Variants in CSMD1 observed in about 807,000 individuals in gnomAD.
CSMD1 encodes the protein CUB and sushi domain-containing protein 1.
Under a neutral mutation model 417.5 loss-of-function variants are expected in CSMD1, and 213 were observed. The ratio of observed to expected loss-of-function variants is 0.51; its 90% CI spans 0.46 to 0.57. The LOEUF is 0.57. Among genes scored for constraint, CSMD1 ranks in the 20% least tolerant of loss-of-function variants. The probability of loss-of-function intolerance (pLI) is 0.00; values close to 1 mark genes in which losing one functional copy is unlikely to be tolerated. For missense variants in CSMD1, 6,923 were observed against 4,529.7 expected (o/e 1.53, Z -15.17); for synonymous variants, 2,862 against 1,736.8 (o/e 1.65, Z -16.11).
intron 4 of CSMD1, among the ~76,000 whole-genome samples, chr8:4,025,502 G>T (rs188671364): frequency 6.6e-6 from 1 of 152,152 alleles, no homozygotes; most frequent in South Asian, 2.1e-4. Context: ...AGAGGCAAAA[G>T]CATTTTTCAT....
intron 59 of CSMD1, among the ~76,000 whole-genome samples, chr8:2,964,322 T>C (rs1036573938): frequency 6.6e-6 from 1 of 152,224 alleles, no homozygotes; most frequent in Non-Finnish European, 1.5e-5. Flanking sequence ...CACCTTCTAC[T>C]GATCTGTTCA....
At chr8:3,056,809 GT>G (rs1190436509) in intron 49 of CSMD1, among the ~76,000 whole-genome samples, 2 of 151,770 alleles carry the variant, frequency 1.3e-5, no homozygotes, top group African/African-American at 4.8e-5. Flanking sequence ...TATTTCCAAA[GT>G]ATTTAAGAAT....
At chr8:4,523,428 G>T (rs746760768) in intron 2 of CSMD1, among the ~76,000 whole-genome samples, 14 of 152,032 alleles carry the variant, frequency 9.2e-5, no homozygotes, top group Non-Finnish European at 1.9e-4. Flanking sequence ...AAGTACACTG[G>T]TTCAGAAGGT....
At chr8:4,323,449 C>T (rs1267824127) in intron 3 of CSMD1, among the ~76,000 whole-genome samples, 2 of 151,628 alleles carry the variant, frequency 1.3e-5, no homozygotes, top group African/African-American at 4.9e-5. Flanking sequence ...TTCAAAGTAA[C>T]CATTCACAAC....
At chr8:4,327,385 C>A (rs1184178177) in intron 3 of CSMD1, among the ~76,000 whole-genome samples, 22 of 152,148 alleles carry the variant, frequency 1.4e-4, no homozygotes. Flanking sequence ...TGGGGAGACT[C>A]TGCTAATGTA....
chr8:3,687,972 T>C (rs1800032814), intron 7 of CSMD1, among the ~76,000 whole-genome samples: 1 of 152,208 alleles, frequency 6.6e-6, no homozygotes, highest in African/African-American at 2.4e-5. Flanking sequence ...TCATCATATT[T>C]GCTTATCTGA....
chr8:4,274,390 C>G (rs1332452396), intron 3 of CSMD1, among the ~76,000 whole-genome samples: 1 of 152,128 alleles, frequency 6.6e-6, no homozygotes, highest in East Asian at 1.9e-4. Flanking sequence ...AGATTTTAAA[C>G]ACTATCAACG....
intron 37 of CSMD1, 64 bp downstream of exon 37, chr8:3,181,046 T>G: frequency 1.0e-6 from 1 of 987,420 alleles, no homozygotes; most frequent in Non-Finnish European, 1.6e-6. Flanking sequence ...CATGATTTAT[T>G]TTTTCTTTAA....
chr8:3,474,233 G>GGAAT (rs1817280453), intron 11 of CSMD1, among the ~76,000 whole-genome samples: 1 of 152,054 alleles, frequency 6.6e-6, no homozygotes, highest in Non-Finnish European at 1.5e-5. Context: ...GGTTGGAAAA[G>GGAAT]GAATGAATGA....
At chr8:4,683,706 G>C (rs554654993) in intron 1 of CSMD1, among the ~76,000 whole-genome samples, 11 of 152,336 alleles carry the variant, frequency 7.2e-5, no homozygotes, top group African/African-American at 1.2e-4. Context: ...GGTCCCACCA[G>C]GGGTCCTGAT....
At chr8:3,433,997 G>C (rs1814392204) in intron 12 of CSMD1, among the ~76,000 whole-genome samples, 1 of 152,210 alleles carries the variant, frequency 6.6e-6, no homozygotes, top group Non-Finnish European at 1.5e-5. Context: ...AGGTGGCAAA[G>C]CACTGAGTGA....
At chr8:4,625,208 C>T (rs1802026738) in intron 2 of CSMD1, among the ~76,000 whole-genome samples, 1 of 152,074 alleles carries the variant, frequency 6.6e-6, no homozygotes, top group South Asian at 2.1e-4. Flanking sequence ...CTCGTCTACA[C>T]AGCACGTTCT....
chr8:4,771,130 G>C (rs1294675899), intron 1 of CSMD1, among the ~76,000 whole-genome samples: 1 of 152,136 alleles, frequency 6.6e-6, no homozygotes, highest in Admixed American at 6.5e-5. Flanking sequence ...GTTAAAATTG[G>C]TGAAGATATG....
At chr8:3,369,426 A>T in intron 18 of CSMD1, 56 bp from the exon 19 acceptor site, 1 of 828,856 alleles carries the variant, frequency 1.2e-6, no homozygotes, top group Non-Finnish European at 2.0e-6. Context: ...TGATTGCCAG[A>T]ACAAAATACT....
At chr8:3,697,461 CTTAG>C (rs1051236720) in intron 7 of CSMD1, among the ~76,000 whole-genome samples, 1 of 152,158 alleles carries the variant, frequency 6.6e-6, no homozygotes, top group Non-Finnish European at 1.5e-5. Flanking sequence ...ATCTTGCTGA[CTTAG>C]TTTGCTTGTG....
intron 7 of CSMD1, among the ~76,000 whole-genome samples, chr8:3,659,395 G>A (rs1164323510): frequency 6.6e-6 from 1 of 152,162 alleles, no homozygotes; most frequent in East Asian, 1.9e-4. Context: ...CTTAGACACA[G>A]GTAACGGGTC....
At chr8:4,433,033 A>G (rs187277808) in intron 2 of CSMD1, among the ~76,000 whole-genome samples, 1 of 152,180 alleles carries the variant, frequency 6.6e-6, no homozygotes, top group Non-Finnish European at 1.5e-5. Flanking sequence ...GTCGTGAACT[A>G]CGTATATGAG....
At chr8:3,322,085 G>A (rs892309909) in intron 23 of CSMD1, among the ~76,000 whole-genome samples, 3 of 152,134 alleles carry the variant, frequency 2.0e-5, no homozygotes, top group South Asian at 4.1e-4. Context: ...CATAATATAT[G>A]AAAGTCAGTG....
chr8:3,550,450 T>G (rs1171086570), intron 10 of CSMD1, among the ~76,000 whole-genome samples: 6 of 152,188 alleles, frequency 3.9e-5, no homozygotes, highest in Non-Finnish European at 8.8e-5. Flanking sequence ...TTTTAAAAGT[T>G]TTTTAATTGA....
Sources: allele counts gnomAD v4.1 joint callset (sites outside exome capture counted in the v4.1 genomes callset), GRCh38; gene constraint gnomAD v4.1.1; transcripts MANE v1.5; gene names NCBI Gene and HGNC (gene_info 2026-07-23, HGNC 2026-07-21).